The following PALD1 variants were observed in gnomAD, a reference collection of about 807,000 sequenced individuals.
PALD1 encodes paladin.
Under a neutral mutation model 96.0 loss-of-function variants are expected in PALD1, and 57 were observed. The observed-to-expected ratio is 0.59, with a 90% CI of 0.48 to 0.74. The LOEUF (loss-of-function observed/expected upper bound fraction) is 0.74, where lower values mean the gene tolerates loss of function less well. PALD1 is among the 30% of genes least tolerant of loss of function. The pLI is 0.00. For missense variants in PALD1, 1,063 were observed against 1,143.7 expected (o/e 0.93, Z 1.02); for synonymous variants, 464 against 473.6 (o/e 0.98, Z 0.26).
chr10:70,518,149 C>T (rs1017710401), intron 1 of PALD1, among the ~76,000 whole-genome samples: 12 of 152,150 alleles, frequency 7.9e-5, no homozygotes, highest in Non-Finnish European at 1.6e-4. Flanking sequence ...GTGATCCGCC[C>T]GCCTCGGCCT....
intron 2 of PALD1, among the ~76,000 whole-genome samples, chr10:70,526,534 T>A (rs1041382188): frequency 6.6e-6 from 1 of 152,234 alleles, no homozygotes; most frequent in East Asian, 1.9e-4. Flanking sequence ...AACACCAGGC[T>A]GTTGAAGGGC....
chr10:70,472,669 C>G, the PALD1 span, among the ~76,000 whole-genome samples: 1 of 152,090 alleles, frequency 6.6e-6, no homozygotes, highest in African/African-American at 2.4e-5. Flanking sequence ...CCCCTCCCAC[C>G]CCTTGTCTTT....
At position 70,522,397 on chromosome 10, in the gene PALD1, C is replaced by T. The variant is rs754078148; in HGVS notation, c.-29-3526C>T. On this transcript the variant is annotated intron_variant, in intron 1 of 19. Transcript: ENST00000263563. The stretch of plus-strand genomic sequence containing the variant: ...TAAGAGCACCAGGTGCAGAATTGCC[C>T]GAAGCTGGCCAGGTGCGTCAGCCCA... 3.3e-5 allele frequency among the ~76,000 whole-genome samples: 5 copies of T among 152,124 alleles called. No individual in the cohort carries two copies. The East Asian group carries it at 5.8e-4, about 18-fold the overall frequency.
intron 1 of PALD1, among the ~76,000 whole-genome samples, chr10:70,510,744 A>T (rs959547550): frequency 6.6e-6 from 1 of 152,238 alleles, no homozygotes; most frequent in African/African-American, 2.4e-5. Flanking sequence ...AGATGCAGAG[A>T]GGCTTGTGGT....
In PALD1 at chr10:70,537,825, A is replaced by G. The variant is rs1564702706; in HGVS notation, c.1242A>G (p.Arg414=). 1 of 1,612,536 alleles carries G rather than the reference A, an allele frequency of 6.2e-7. No individual in the cohort carries two copies. Among genetic ancestry groups the G allele is most frequent in the South Asian group, 1.1e-5 (1 of 91,036 alleles). Residue 414 remains arginine, a synonymous_variant, in exon 11 of 20, where the codon CGA becomes CGG. Coordinates refer to ENST00000263563, the MANE Select transcript of PALD1 (RefSeq NM_014431.3). ...CTCTCTCTCAGGGAAGCGGCAGCCG[A>G]CACAGCGTCTGGCAGAGGGCGCTGT... The part of the protein sequence containing the change: ...PESPAQGSGS[R]HSVWQRALWS...
chr10:70,510,439 C>A (rs1317578381), intron 1 of PALD1, among the ~76,000 whole-genome samples: 1 of 152,168 alleles, frequency 6.6e-6, no homozygotes, highest in African/African-American at 2.4e-5. Context: ...AGCACATGAG[C>A]ATTCCAGATA....
intron 1 of PALD1, among the ~76,000 whole-genome samples, chr10:70,497,023 G>A (rs983301175): frequency 2.0e-5 from 3 of 151,972 alleles, no homozygotes; most frequent in African/African-American, 2.4e-5. Flanking sequence ...TCCAAGTCTC[G>A]TTTCACTGGG....
rs1432535042 is a variant in PALD1 at position 70,567,728 on chromosome 10, A to G, written c.*995A>G. 1 of 152,792 alleles carries G rather than the reference A, an allele frequency of 6.5e-6. No individual in the cohort carries two copies. The highest frequency in any genetic ancestry group is 1.5e-5 in the Non-Finnish European group (1 of 68,178). 9.5% of individuals were successfully genotyped at this position (152,792 alleles called of 1,614,324 possible). ...GGGTTCCAGGCCATCCTTGCTGAGC[A>G]TCTTTGAGCCTGCCTTCCGGTGGGA... On this transcript the variant is annotated 3_prime_UTR_variant, in exon 20 of 20. Transcript: ENST00000263563.
chr10:70,488,732 T>G (rs1236334691), intron 1 of PALD1, among the ~76,000 whole-genome samples: 3 of 151,988 alleles, frequency 2.0e-5, no homozygotes, highest in Non-Finnish European at 4.4e-5. Flanking sequence ...TGGCGAGGCT[T>G]TGGGAGAGAT....
intron 8 of PALD1, 130 bp from the exon 9 acceptor site, chr10:70,534,292 GCTT>G (rs1237819554): frequency 1.3e-6 from 1 of 761,722 alleles, no homozygotes; most frequent in African/African-American, 1.8e-5. Flanking sequence ...AATGTCCCCT[GCTT>G]CCCACAATGT....
the PALD1 span, among the ~76,000 whole-genome samples, chr10:70,460,848 G>T: frequency 6.6e-6 from 1 of 152,180 alleles, no homozygotes; most frequent in African/African-American, 2.4e-5. Flanking sequence ...CTGAGGTCAA[G>T]AGTTCAAGAC....
At chr10:70,534,276 T>G (rs1019683778) in intron 8 of PALD1, 149 bp from the exon 9 acceptor site, 13 of 748,358 alleles carry the variant, frequency 1.7e-5, no homozygotes, top group Admixed American at 2.9e-5. Context: ...TTTCCCTAGT[T>G]GGGGAAATGT....
chr10:70,479,347 C>G (rs1453976068), intron 1 of PALD1, among the ~76,000 whole-genome samples: 1 of 152,186 alleles, frequency 6.6e-6, no homozygotes, highest in Non-Finnish European at 1.5e-5. Flanking sequence ...TTTTCATTGC[C>G]AGACCTGGGA....
At chr10:70,552,274 G>A (rs1164043639) in intron 18 of PALD1, among the ~76,000 whole-genome samples, 1 of 152,228 alleles carries the variant, frequency 6.6e-6, no homozygotes, top group African/African-American at 2.4e-5. Context: ...GCAGTGAGTG[G>A]AAGTACTGTT....
rs1443534856 is a variant in PALD1, at chr10:70,538,454, G to T, written c.1452+46G>T. ...GAGAAGTGGGCATGGCTGTGTACTGGCCCTGGCCCCTAAACACTGGATTCC... is the reference window on the plus strand; with the variant it reads ...GAGAAGTGGGCATGGCTGTGTACTGTCCCTGGCCCCTAAACACTGGATTCC... On this transcript the variant is annotated intron_variant, in intron 12 of 19. Transcript: ENST00000263563. 3.2e-6 allele frequency: 5 copies of T among 1,585,554 alleles called. No individual in the cohort carries two copies. The East Asian group carries it at 6.8e-5, about 22-fold the overall frequency.
At chr10:70,495,550 G>A (rs953416793) in intron 1 of PALD1, among the ~76,000 whole-genome samples, 1 of 152,122 alleles carries the variant, frequency 6.6e-6, no homozygotes, top group East Asian at 1.9e-4. Context: ...GGAATTACCT[G>A]TATTGGCTGG....
At chr10:70,460,781 C>G in the PALD1 span, among the ~76,000 whole-genome samples, 1 of 152,174 alleles carries the variant, frequency 6.6e-6, no homozygotes, top group African/African-American at 2.4e-5. Flanking sequence ...CCAGGCCGGG[C>G]CAGGTGGCTC....
At chr10:70,474,704 G>C (rs568759778), upstream of PALD1, among the ~76,000 whole-genome samples, 2 of 152,354 alleles carry the variant, frequency 1.3e-5, no homozygotes, top group South Asian at 2.1e-4. Flanking sequence ...TTTGAACCTT[G>C]TGTATGAATT....
Position 70,501,457 on chromosome 10 carries a change from T to C in PALD1, c.-30+22398T>C, listed in dbSNP as rs1023593759. 5.3e-5 allele frequency among the ~76,000 whole-genome samples: 8 copies of C among 152,318 alleles called. No homozygotes were observed. The South Asian group carries it at 1.7e-3, about 32-fold the overall frequency. On this transcript the variant is annotated intron_variant, in intron 1 of 19. Coordinates refer to ENST00000263563, the MANE Select transcript of PALD1 (RefSeq NM_014431.3). ...TCAGAGAGGCCAAGCCATGGGCCTC[T>C]GGTGAGGGACAGCGCTGGCGTCTAC...
Sources: allele counts gnomAD v4.1 joint callset (sites outside exome capture counted in the v4.1 genomes callset), GRCh38; gene constraint gnomAD v4.1.1; transcripts MANE v1.5; gene names NCBI Gene and HGNC (gene_info 2026-07-23, HGNC 2026-07-21).